The following ZC3H18 variants were observed in gnomAD, a reference collection of about 807,000 sequenced individuals.
ZC3H18 encodes zinc finger CCCH-type containing 18, also known as zinc finger CCCH domain-containing protein 18.
ZC3H18 carries 8 observed loss-of-function variants against 106.1 expected under a neutral mutation model. The ratio of observed to expected loss-of-function variants is 0.08; its 90% CI spans 0.04 to 0.14. ZC3H18 has a LOEUF of 0.14. ZC3H18 is among the 10% of genes least tolerant of loss of function. The pLI is 1.00. For missense variants in ZC3H18, 1,318 were observed against 1,278.4 expected, an observed-to-expected ratio of 1.03 and a Z score of -0.47; for synonymous variants, 635 against 522.1, an observed-to-expected ratio of 1.22 and a Z score of -2.95.
chr16:88,609,136 G>T, intron 7 of ZC3H18, 85 bp downstream of exon 7: 2 of 1,112,524 alleles, frequency 1.8e-6, no homozygotes, highest in Non-Finnish European at 2.6e-6. Context: ...AAAAATACAG[G>T]GCTTTATATG....
intron 1 of ZC3H18, among the ~76,000 whole-genome samples, chr16:88,572,480 C>T (rs1001000950): frequency 6.6e-6 from 1 of 151,934 alleles, no homozygotes; most frequent in Non-Finnish European, 1.5e-5. Context: ...CAACAAATAT[C>T]TATCAAGTAT....
At chr16:88,592,403 T>C (rs919752648) in intron 3 of ZC3H18, among the ~76,000 whole-genome samples, 1 of 152,220 alleles carries the variant, frequency 6.6e-6, no homozygotes, top group Non-Finnish European at 1.5e-5. Context: ...TGTGAACCCC[T>C]GGGAGTCCTT....
intron 1 of ZC3H18, chr16:88,571,788 C>A (rs1914422949): frequency 1.7e-6 from 1 of 576,214 alleles, no homozygotes; most frequent in Non-Finnish European, 2.2e-6. Context: ...CGCTTGGTCA[C>A]TTTGCACGTG....
intron 2 of ZC3H18, among the ~76,000 whole-genome samples, chr16:88,585,336 T>C (rs1915373051): frequency 1.3e-5 from 2 of 152,224 alleles, no homozygotes; most frequent in Non-Finnish European, 2.9e-5. Context: ...CAGGGTTTGG[T>C]TTCAGCATTT....
chr16:88,626,968 C>T (rs1906350114), intron 13 of ZC3H18: 1 of 152,280 alleles, frequency 6.6e-6, no homozygotes, highest in Non-Finnish European at 1.5e-5. Context: ...GAGGCTATCT[C>T]CCTTTTGTCT....
intron 8 of ZC3H18, among the ~76,000 whole-genome samples, chr16:88,616,930 C>T (rs1038289659): frequency 6.6e-6 from 1 of 152,130 alleles, no homozygotes; most frequent in Admixed American, 6.5e-5. Context: ...GGCCCAGGCT[C>T]GTTATAGCAG....
chr16:88,622,405 G>C lies in ZC3H18; in HGVS notation c.1667+17G>C. 1 of 1,585,056 alleles carries C rather than the reference G, an allele frequency of 6.3e-7. No individual in the cohort carries two copies. Among genetic ancestry groups the C allele is most frequent in the Non-Finnish European group, 8.6e-7 (1 of 1,163,114 alleles). ...TTCCTCCAGGTAAGGAGGGCTCGTG[G>C]GACGGCTGGGGTGTCAGCACCTTGG... On this transcript the variant is annotated intron_variant, in intron 9 of 17. Coordinates refer to ENST00000301011, the MANE Select transcript of ZC3H18 (RefSeq NM_144604.4).
chr16:88,608,847 G>A (rs1905137558), intron 6 of ZC3H18, 87 bp from the exon 7 acceptor site: 1 of 1,156,476 alleles, frequency 8.6e-7, no homozygotes, highest in Non-Finnish European at 1.3e-6. Flanking sequence ...GTCACGGTCT[G>A]TTACTTTCTG....
intron 2 of ZC3H18, among the ~76,000 whole-genome samples, chr16:88,585,796 G>A (rs1385226564): frequency 6.6e-6 from 1 of 151,984 alleles, no homozygotes; most frequent in Non-Finnish European, 1.5e-5. Context: ...TGGGGAGGGG[G>A]ATCAAGAGGG....
chr16:88,590,274 G>T (rs543499461), intron 3 of ZC3H18, among the ~76,000 whole-genome samples: 1 of 152,170 alleles, frequency 6.6e-6, no homozygotes, highest in Non-Finnish European at 1.5e-5. Context: ...TCTCCGACAC[G>T]TTGTGATATA....
At chr16:88,586,458 A>G (rs1915436083) in intron 2 of ZC3H18, 142 bp from the exon 3 acceptor site, 13 of 716,648 alleles carry the variant, frequency 1.8e-5, no homozygotes, top group Non-Finnish European at 3.2e-5. Context: ...TCTGGGACCT[A>G]AGATTTGGAA....
intron 3 of ZC3H18, among the ~76,000 whole-genome samples, chr16:88,596,263 C>T (rs537377625): frequency 1.3e-5 from 2 of 152,224 alleles, no homozygotes; most frequent in East Asian, 1.9e-4. Flanking sequence ...ATAGTAGGTT[C>T]GTAGGTGATG....
chr16:88,602,242 C>T (rs1356985526), intron 6 of ZC3H18, among the ~76,000 whole-genome samples: 4 of 152,216 alleles, frequency 2.6e-5, no homozygotes, highest in South Asian at 4.1e-4. Context: ...GCCCAGTTGG[C>T]GGTCAGGCTC....
intron 7 of ZC3H18, among the ~76,000 whole-genome samples, 195 bp from the exon 8 acceptor site, chr16:88,611,073 T>TG (rs1444893913): frequency 5.3e-5 from 8 of 152,204 alleles, no homozygotes; most frequent in African/African-American, 1.9e-4. Flanking sequence ...GCCTCTCTCT[T>TG]GCCATCTCCT....
At chr16:88,629,108 G>A (rs1906504690) in intron 16 of ZC3H18, among the ~76,000 whole-genome samples, 1 of 152,254 alleles carries the variant, frequency 6.6e-6, no homozygotes, top group Admixed American at 6.5e-5. Context: ...GGAGGCTGAG[G>A]CCGGCAGATC....
chr16:88,627,408 C>A lies in ZC3H18; in HGVS notation c.2109-214C>A. ...GTGAGCAGCCGTGCCTGGCTGCAAC[C>A]TGACATTGATTAGTGAAATGGGGCC... is the stretch of plus-strand genomic sequence containing the variant. On this transcript the variant is annotated intron_variant, in intron 13 of 17. Coordinates refer to ENST00000301011, the MANE Select transcript of ZC3H18 (RefSeq NM_144604.4). The surrounding 1 kb of genome is among the most constrained non-coding windows in gnomAD (Gnocchi z 4.5). 1 of 542,346 alleles carries A rather than the reference C, an allele frequency of 1.8e-6. No homozygotes were observed. Among genetic ancestry groups the A allele is most frequent in the Non-Finnish European group, 3.1e-6 (1 of 318,742 alleles). 33.6% of individuals were successfully genotyped at this position (542,346 alleles called of 1,614,324 possible). A position where few individuals can be genotyped will look rare whatever the true frequency, so the allele number is the denominator to read the frequency against.
At chr16:88,620,355 A>G (rs1327897398) in intron 8 of ZC3H18, among the ~76,000 whole-genome samples, 1 of 152,190 alleles carries the variant, frequency 6.6e-6, no homozygotes, top group Non-Finnish European at 1.5e-5. Flanking sequence ...CTGGGAGGCC[A>G]GGGTGGGAGG....
chr16:88,602,635 A>G (rs540841322), intron 6 of ZC3H18, among the ~76,000 whole-genome samples: 11 of 152,318 alleles, frequency 7.2e-5, no homozygotes, highest in African/African-American at 2.2e-4. Flanking sequence ...CAGGGACACA[A>G]ATTCTCTGAA....
In ZC3H18 at chr16:88,622,392, A is replaced by G. The variant is rs1409936215; in HGVS notation, c.1667+4A>G. 1 of 1,602,294 alleles carries G rather than the reference A, an allele frequency of 6.2e-7. No individual in the cohort carries two copies. The highest frequency in any genetic ancestry group is 2.2e-5 in the East Asian group (1 of 44,464). ...CCTCTGCCTCTAATTCCTCCAGGTA[A>G]GGAGGGCTCGTGGGACGGCTGGGGT... On this transcript the variant is annotated splice_donor_region_variant and intron_variant, in intron 9 of 17. Transcript: ENST00000301011.
Sources: allele counts gnomAD v4.1 joint callset (sites outside exome capture counted in the v4.1 genomes callset), GRCh38; gene constraint gnomAD v4.1.1; non-coding constraint Gnocchi (gnomAD v3.1); transcripts MANE v1.5; gene names NCBI Gene and HGNC (gene_info 2026-07-23, HGNC 2026-07-21).